EYS: variants seen among roughly 807,000 people sequenced by gnomAD.
The protein encoded by EYS is EGF-like photoreceptor maintenance factor.
In EYS, 250 loss-of-function variants were observed where a neutral mutation model predicts 282.1. That is an observed-to-expected ratio of 0.89 (90% CI 0.80 to 0.98). EYS has a LOEUF of 0.98. Among genes scored for constraint, EYS ranks in the 50% least tolerant of loss-of-function variants. The pLI is 0.00. For synonymous variants in EYS, 1,355 were observed against 1,282.9 expected, an observed-to-expected ratio of 1.06 and a Z score of -1.20; for missense variants, 4,016 against 3,709.0, an observed-to-expected ratio of 1.08 and a Z score of -2.15.
chr6:64,927,509 A>G lies in EYS; in HGVS notation c.2382-14766T>C, dbSNP rs188637472. ...AAATACAGAAATAAAACTTTTTACC[A>G]TTAAATTTATGTCAAAACTCCCCAG... is the stretch of plus-strand genomic sequence containing the variant. On this transcript the variant is annotated intron_variant, in intron 15 of 42. Transcript: ENST00000503581. Among the ~76,000 whole-genome samples the G allele has an allele frequency of 2.2e-3, 341 of 152,188 alleles. 3 individuals carry two copies. The highest frequency in any genetic ancestry group is 3.5e-3 in the Non-Finnish European group (240 of 68,004).
intron 12 of EYS, among the ~76,000 whole-genome samples, chr6:65,210,919 T>C (rs1766160245): frequency 7.0e-6 from 1 of 142,928 alleles, no homozygotes; most frequent in Non-Finnish European, 1.5e-5. Flanking sequence ...AATTTACCTA[T>C]AAAGTCGTAC....
At position 65,512,134 on chromosome 6, in the gene EYS, T is replaced by C. The variant is rs555699430; in HGVS notation, c.-332-16141A>G. On this transcript the variant is annotated intron_variant, in intron 2 of 42. Coordinates refer to ENST00000503581, the MANE Select transcript of EYS (RefSeq NM_001142800.2). Reference sequence around the variant, plus strand: ...TTTCTGTGAAATTTTTCCCTAACTTTCCGGCACACTTAGACATTACTACCT... The same window carrying C: ...TTTCTGTGAAATTTTTCCCTAACTTCCCGGCACACTTAGACATTACTACCT... Among the ~76,000 whole-genome samples the C allele has an allele frequency of 2.0e-5, 3 of 152,214 alleles. No individual in the cohort carries two copies. The South Asian group carries it at 6.2e-4, about 32-fold the overall frequency.
intron 12 of EYS, among the ~76,000 whole-genome samples, chr6:65,251,221 T>C (rs1056341973): frequency 4.0e-5 from 6 of 151,438 alleles, no homozygotes; most frequent in African/African-American, 1.5e-4. Context: ...ACAAAAAAAT[T>C]AAAAATGAAT....
intron 14 of EYS, among the ~76,000 whole-genome samples, chr6:64,976,309 C>G (rs995390948): frequency 6.6e-6 from 1 of 151,616 alleles, no homozygotes; most frequent in African/African-American, 2.4e-5. Context: ...CCATGCCTTA[C>G]TATTTTACAT....
At chr6:65,021,921 A>G (rs1772263599) in intron 13 of EYS, among the ~76,000 whole-genome samples, 1 of 152,140 alleles carries the variant, frequency 6.6e-6, no homozygotes, top group Admixed American at 6.5e-5. Flanking sequence ...ACACCTTGTG[A>G]GAACTCACTC....
chr6:63,984,622 C>G lies in EYS; in HGVS notation c.6835-19G>C. 6.8e-7 allele frequency: 1 copy of G among 1,473,116 alleles called. No homozygotes were observed. Among genetic ancestry groups the G allele is most frequent in the Non-Finnish European group, 9.3e-7 (1 of 1,078,926 alleles). The allele number at this position is 1,473,116 out of a possible 1,614,324, so 91.3% of individuals were successfully genotyped here. A position where few individuals can be genotyped will look rare whatever the true frequency, so the allele number is the denominator to read the frequency against. On this transcript the variant is annotated intron_variant, in intron 34 of 42. Coordinates refer to ENST00000503581, the MANE Select transcript of EYS (RefSeq NM_001142800.2). ...AATATGCCTGTAGAAAAAGTAACAA[C>G]AAAAAATATTATAGGTTGTTGTCAG...
chr6:64,073,557 A>C (rs1771664374), intron 32 of EYS, among the ~76,000 whole-genome samples: 1 of 151,842 alleles, frequency 6.6e-6, no homozygotes, highest in Admixed American at 6.6e-5. Flanking sequence ...AGAAGGGAAA[A>C]GTTAGTGGCA....
At chr6:63,810,111 A>G (rs916983878) in intron 36 of EYS, among the ~76,000 whole-genome samples, 3 of 151,358 alleles carry the variant, frequency 2.0e-5, no homozygotes, top group Admixed American at 6.6e-5. Context: ...GAAAAAGAAA[A>G]TTAGCCGAGT....
intron 31 of EYS, among the ~76,000 whole-genome samples, chr6:64,184,832 T>C (rs918670214): frequency 1.2e-4 from 19 of 152,322 alleles, no homozygotes; most frequent in African/African-American, 4.6e-4. Flanking sequence ...TTTATGTCCA[T>C]CAGTAAGTCT....
intron 26 of EYS, among the ~76,000 whole-genome samples, chr6:64,524,382 CTT>C (rs1777850797): frequency 6.6e-6 from 1 of 151,880 alleles, no homozygotes; most frequent in African/African-American, 2.4e-5. Context: ...GATATGATAA[CTT>C]TGACAGGGGC....
At chr6:65,296,164 T>G in intron 11 of EYS, 45 bp from the exon 12 acceptor site, 1 of 1,456,184 alleles carries the variant, frequency 6.9e-7, no homozygotes, top group Non-Finnish European at 9.2e-7. Context: ...ATATACTTTA[T>G]TTTGATATAT....
At chr6:64,179,498 G>C (rs1395372182) in intron 31 of EYS, among the ~76,000 whole-genome samples, 2 of 152,040 alleles carry the variant, frequency 1.3e-5, no homozygotes, top group Non-Finnish European at 2.9e-5. Context: ...TGAAATTCCA[G>C]ATTGATATTC....
intron 5 of EYS, among the ~76,000 whole-genome samples, chr6:65,465,405 A>C (rs2150412466): frequency 6.6e-6 from 1 of 152,176 alleles, no homozygotes; most frequent in African/African-American, 2.4e-5. Context: ...TGAATCCAGG[A>C]GGTCCAGGTG....
intron 26 of EYS, among the ~76,000 whole-genome samples, chr6:64,531,389 T>G (rs1386206439): frequency 2.2e-5 from 1 of 44,576 alleles, no homozygotes; most frequent in Non-Finnish European, 4.0e-5. Context: ...GAGTTTTGTT[T>G]TTTGTTTTTT....
intron 31 of EYS, among the ~76,000 whole-genome samples, chr6:64,218,186 T>C (rs2150331585): frequency 6.6e-6 from 1 of 152,260 alleles, no homozygotes; most frequent in South Asian, 2.1e-4. Flanking sequence ...TTGAAATGCC[T>C]ACCTGAGAAA....
At chr6:63,973,058 T>C (rs1035496838) in intron 35 of EYS, among the ~76,000 whole-genome samples, 4 of 152,198 alleles carry the variant, frequency 2.6e-5, no homozygotes, top group Non-Finnish European at 5.9e-5. Context: ...TATAATCCTT[T>C]GGGTATATAC....
intron 12 of EYS, among the ~76,000 whole-genome samples, chr6:65,098,898 A>T (rs1774812164): frequency 6.6e-6 from 1 of 150,764 alleles, no homozygotes; most frequent in Admixed American, 6.6e-5. Flanking sequence ...TATAAAGTTT[A>T]AAAAAATAAT....
chr6:64,154,552 A>G (rs899205415), intron 31 of EYS, among the ~76,000 whole-genome samples: 1 of 152,154 alleles, frequency 6.6e-6, no homozygotes, highest in Non-Finnish European at 1.5e-5. Flanking sequence ...AAATTTGATA[A>G]AATGGCAGGG....
At chr6:64,872,634 C>T (rs1766629383) in intron 19 of EYS, among the ~76,000 whole-genome samples, 1 of 152,006 alleles carries the variant, frequency 6.6e-6, no homozygotes. Flanking sequence ...AAATCAATAT[C>T]TCACCTTTCC....
Sources: gnomAD v4.1 joint callset for allele counts (sites outside exome capture counted in the v4.1 genomes callset) on GRCh38, gnomAD v4.1.1 for gene constraint, MANE v1.5 for transcripts, NCBI Gene and HGNC (gene_info 2026-07-23, HGNC 2026-07-21) for gene names.